Variants in ITPR3 observed in about 807,000 individuals in gnomAD.
ITPR3 encodes the protein inositol 1,4,5-trisphosphate receptor type 3.
A neutral mutation model predicts 293.2 loss-of-function variants in ITPR3; 173 were observed. The observed-to-expected ratio is 0.59, with a 90% confidence interval of 0.52 to 0.67. ITPR3 has a LOEUF of 0.67. ITPR3 is among the 30% of genes least tolerant of loss of function. ITPR3 has a pLI of 0.00. For missense variants in ITPR3, 2,796 were observed against 3,592.1 expected (o/e 0.78, Z 5.66); for synonymous variants, 1,295 against 1,444.4 (o/e 0.90, Z 2.35).
At position 33,677,101 on chromosome 6, in the gene ITPR3, A is replaced by C. The variant is rs1255158978; in HGVS notation, c.3522+12A>C. 3.1e-6 allele frequency: 5 copies of C among 1,612,882 alleles called. No individual in the cohort carries two copies. Among genetic ancestry groups the C allele is most frequent in the Non-Finnish European group, 4.2e-6 (5 of 1,179,026 alleles). ...AGATCGTCAAGGGCGTGAGTGGCCA[A>C]GGGTCCTCGGGGTAGGGATCTGCAG... On this transcript the variant is annotated intron_variant, in intron 27 of 57. Transcript: ENST00000605930.
Position 33,687,675 on chromosome 6 carries a change from C to A in ITPR3, c.6264+111C>A. On this transcript the variant is annotated intron_variant, in intron 46 of 57. Transcript: ENST00000605930. This position sits in a 1 kb window ranked among gnomAD's most constrained non-coding sequence, Gnocchi z 5.3. ...GTGAGGCCCTAGAATATGAGCCAGGCTAGAATTTGGGGGTACAGCTCAGGG... is the reference window on the plus strand; with the variant it reads ...GTGAGGCCCTAGAATATGAGCCAGGATAGAATTTGGGGGTACAGCTCAGGG... 2.2e-6 allele frequency: 2 copies of A among 892,424 alleles called. No homozygotes were observed. The highest frequency in any genetic ancestry group is 3.5e-6 in the Non-Finnish European group (2 of 572,454). The allele number at this position is 892,424 out of a possible 1,614,324, so 55.3% of individuals were successfully genotyped here.
intron 1 of ITPR3, among the ~76,000 whole-genome samples, chr6:33,628,887 A>C (rs71565397): frequency 0.033 from 5,066 of 152,290 alleles, 139 homozygotes; most frequent in Non-Finnish European, 0.054. Context: ...GCCAGCCATT[A>C]GCCCTTCCTG....
rs376639833 is a variant in ITPR3 at position 33,694,954 on chromosome 6, C to T, written c.7816C>T (p.Arg2606Trp). Residue 2606 changes from arginine to tryptophan, a missense_variant, in exon 57 of 58, where the codon CGG (arginine) becomes TGG (tryptophan). Physicochemically the swap from Arg to Trp is moderately radical, Grantham distance 101 (BLOSUM62 -3). Transcript: ENST00000605930. ...NKNLDWFPRM[R>W]AMSLVSNEGE... is the part of the protein sequence containing the mutation. Reference sequence around the variant, plus strand: ...GAACCTGGACTGGTTCCCCCGGATGCGGGCCATGTCCCTTGTCAGCAATGA... The same window carrying T: ...GAACCTGGACTGGTTCCCCCGGATGTGGGCCATGTCCCTTGTCAGCAATGA... 30 of 1,613,946 alleles carry T rather than the reference C, an allele frequency of 1.9e-5. No individual in the cohort carries two copies. Among genetic ancestry groups the T allele is most frequent in the Middle Eastern group, 1.6e-4 (1 of 6,084 alleles).
intron 51 of ITPR3, among the ~76,000 whole-genome samples, 179 bp from the exon 52 acceptor site, chr6:33,690,738 C>T (rs1033916014): frequency 6.6e-5 from 10 of 152,134 alleles, no homozygotes; most frequent in African/African-American, 2.2e-4. Context: ...CCAGGTTTCT[C>T]GAGAAGCTCC....
At chr6:33,628,229 T>C (rs1381459929) in intron 1 of ITPR3, among the ~76,000 whole-genome samples, 1 of 152,122 alleles carries the variant, frequency 6.6e-6, no homozygotes, top group Non-Finnish European at 1.5e-5. Context: ...CTCTCTAGAC[T>C]TCACCCCATG....
chr6:33,671,535 T>C (rs1195591896), intron 21 of ITPR3, among the ~76,000 whole-genome samples: 1 of 152,168 alleles, frequency 6.6e-6, no homozygotes. Flanking sequence ...CTTCCAACCC[T>C]GCTTGGTCTT....
chr6:33,622,964 G>A (rs570988464), intron 1 of ITPR3, among the ~76,000 whole-genome samples: 11 of 152,278 alleles, frequency 7.2e-5, no homozygotes, highest in Non-Finnish European at 1.3e-4. Flanking sequence ...CCCTTCACAC[G>A]TGGAATCCCT....
In ITPR3 at chr6:33,695,035, A is replaced by T. The variant is rs763951625; in HGVS notation, c.7897A>T (p.Met2633Leu). The change falls in exon 57 of 58, where the codon ATG (methionine) becomes TTG (leucine). Residue 2633 changes from methionine (M) to leucine (L), a missense_variant. By Grantham distance (15) the Met-to-Leu change is conservative (BLOSUM62 2). Around this residue, in one of 8 missense-constraint regions of ITPR3, gnomAD observed 568 missense variants for 796.1 expected, o/e 0.71. Transcript: ENST00000605930. ...RILQDKLNST[M>L]KLVSHLTAQL... is the part of the protein sequence containing the mutation. Reference sequence around the variant, plus strand: ...TCTCCAGGACAAGCTCAACTCCACCATGAAGCTGGTGTCCCACCTCACTGC... The same window carrying T: ...TCTCCAGGACAAGCTCAACTCCACCTTGAAGCTGGTGTCCCACCTCACTGC... The T allele has an allele frequency of 6.2e-7, 1 of 1,613,942 alleles. No individual in the cohort carries two copies. The highest frequency in any genetic ancestry group is 1.3e-5 in the African/African-American group (1 of 74,904).
At chr6:33,668,895 G>A (rs1764683567) in intron 17 of ITPR3, 79 bp from the exon 18 acceptor site, 3 of 1,453,372 alleles carry the variant, frequency 2.1e-6, no homozygotes, top group African/African-American at 2.8e-5. Flanking sequence ...GGCACTGTGT[G>A]GCCGGGTGTG....
chr6:33,644,375 G>A (rs1342256162), intron 2 of ITPR3, among the ~76,000 whole-genome samples: 4 of 151,452 alleles, frequency 2.6e-5, no homozygotes, highest in South Asian at 4.2e-4. Flanking sequence ...CGCCCGTCTC[G>A]GCCTTCCAAA....
At position 33,682,863 on chromosome 6, in the gene ITPR3, A is replaced by G. The variant is rs1040060207; in HGVS notation, c.4597+219A>G. Reference sequence around the variant, plus strand: ...TCCCCAGAGAAGGATGCTCGCCGACATTCTCCAGCTAGTTTTTTATGGGTA... The same window carrying G: ...TCCCCAGAGAAGGATGCTCGCCGACGTTCTCCAGCTAGTTTTTTATGGGTA... On this transcript the variant is annotated intron_variant, in intron 34 of 57. Coordinates refer to ENST00000605930, the MANE Select transcript of ITPR3 (RefSeq NM_002224.4). The surrounding 1 kb of genome is among the most constrained non-coding windows in gnomAD (Gnocchi z 5.4). Among the ~76,000 whole-genome samples, 4 of 152,100 alleles carry G rather than the reference A, an allele frequency of 2.6e-5. No individual in the cohort carries two copies. Among genetic ancestry groups the G allele is most frequent in the African/African-American group, 9.7e-5 (4 of 41,414 alleles).
In ITPR3 at chr6:33,664,827, T is replaced by C; in HGVS notation, c.1149-43T>C. ...GGCCGGCAGGCAGCATGACGTGCTC[T>C]GTGGTGCACTCCCCGAGTCCTTTCC... On this transcript the variant is annotated intron_variant, in intron 11 of 57. Coordinates refer to ENST00000605930, the MANE Select transcript of ITPR3 (RefSeq NM_002224.4). The surrounding 1 kb of genome is among the most constrained non-coding windows in gnomAD (Gnocchi z 4.4). 1 of 1,563,184 alleles carries C rather than the reference T, an allele frequency of 6.4e-7. No individual in the cohort carries two copies.
At chr6:33,646,329 C>T (rs893444387) in intron 2 of ITPR3, among the ~76,000 whole-genome samples, 4 of 151,528 alleles carry the variant, frequency 2.6e-5, no homozygotes, top group Non-Finnish European at 5.9e-5. Context: ...AAACACCATA[C>T]AAACACAGAC....
At chr6:33,668,219 A>G (rs1764665357) in intron 16 of ITPR3, among the ~76,000 whole-genome samples, 1 of 152,232 alleles carries the variant, frequency 6.6e-6, no homozygotes, top group South Asian at 2.1e-4. Flanking sequence ...CTCCAGTGAC[A>G]AAGTCAGAAC....
chr6:33,667,862 T>A lies in ITPR3; in HGVS notation c.1784T>A (p.Ile595Asn), dbSNP rs1448408580. The A allele has an allele frequency of 1.9e-6, 3 of 1,614,082 alleles. No homozygotes were observed. The South Asian group carries it at 3.3e-5, about 18-fold the overall frequency. ...IGYDILAEDT[I>N]TALLHNNRKL... ...TACGACATCCTGGCCGAGGACACCATCACTGCCCTGCTGCACAACAACCGC... is the reference window on the plus strand; with the variant it reads ...TACGACATCCTGGCCGAGGACACCAACACTGCCCTGCTGCACAACAACCGC... Residue 595 changes from isoleucine to asparagine, a missense_variant, in exon 16 of 58, where the codon ATC becomes AAC. Physicochemically the swap from Ile to Asn is moderately radical, Grantham distance 149. This residue lies in a region of ITPR3 where 955 missense variants were observed against 1,180.8 expected (regional missense o/e 0.81). Coordinates refer to ENST00000605930, the MANE Select transcript of ITPR3 (RefSeq NM_002224.4). The surrounding 1 kb of genome is among the most constrained non-coding windows in gnomAD (Gnocchi z 4.4).
At chr6:33,663,461 G>C in intron 9 of ITPR3, 39 bp from the exon 10 acceptor site, 3 of 1,577,192 alleles carry the variant, frequency 1.9e-6, no homozygotes, top group Non-Finnish European at 2.6e-6. Context: ...GTATAGTTTG[G>C]TGTCCAGTAG....
rs765326905 is a variant in ITPR3 at position 33,684,873 on chromosome 6, A to G, written c.5237A>G (p.Asn1746Ser). 6.8e-6 allele frequency: 11 copies of G among 1,614,076 alleles called. No homozygotes were observed. Among genetic ancestry groups the G allele is most frequent in the Non-Finnish European group, 9.3e-6 (11 of 1,180,010 alleles). The part of the protein sequence containing the change: ...LVCDLITSTK[N>S]EKIFQESIGL... ...TGCGACCTCATCACCAGCACCAAGA[A>G]CGAGAAGATCTTCCAGGAGAGCATC... The change falls in exon 39 of 58, where the codon AAC becomes AGC. Residue 1746 changes from asparagine to serine, a missense_variant. Coordinates refer to ENST00000605930, the MANE Select transcript of ITPR3 (RefSeq NM_002224.4). The surrounding 1 kb of genome is among the most constrained non-coding windows in gnomAD (Gnocchi z 4.2).
rs59525809 is a variant in ITPR3 at position 33,690,049 on chromosome 6, G to A, written c.6883G>A (p.Val2295Met). Reference protein sequence around the residue: ...LGALNLTNKIVFVVSFVGNRG... With the variant: ...LGALNLTNKIMFVVSFVGNRG... ...TCGCCCCCAGCTGACCAACAAGATCGTGTTTGTGGTGAGCTTCGTGGGCAA... is the reference window on the plus strand; with the variant it reads ...TCGCCCCCAGCTGACCAACAAGATCATGTTTGTGGTGAGCTTCGTGGGCAA... The change falls in exon 51 of 58, where the codon GTG (valine) becomes ATG (methionine). Residue 2295 changes from valine (V) to methionine (M), a missense_variant. Val to Met is a conservative substitution (Grantham distance 21). This residue lies in a region of ITPR3 where 568 missense variants were observed against 796.1 expected (regional missense o/e 0.71). Coordinates refer to ENST00000605930, the MANE Select transcript of ITPR3 (RefSeq NM_002224.4). 6.2e-4 allele frequency: 1,005 copies of A among 1,614,236 alleles called. 4 individuals are homozygous for A. In the African/African-American group the frequency reaches 0.01, roughly 16 times the overall value.
rs765663851 is a variant in ITPR3, at chr6:33,692,909, T to C, written c.7624+16T>C. 1 of 1,613,224 alleles carries C rather than the reference T, an allele frequency of 6.2e-7. No individual in the cohort carries two copies. The highest frequency in any genetic ancestry group is 2.2e-5 in the East Asian group (1 of 44,862). The stretch of plus-strand genomic sequence containing the variant: ...TTCATCTGTGGTGAGGGCTGCTTCC[T>C]GCTCTGTGGAGGCCGCAGCGGGGCT... On this transcript the variant is annotated intron_variant, in intron 55 of 57. Transcript: ENST00000605930. This position sits in a 1 kb window ranked among gnomAD's most constrained non-coding sequence, Gnocchi z 4.2.
Sources: gnomAD v4.1 joint callset for allele counts (sites outside exome capture counted in the v4.1 genomes callset) on GRCh38, gnomAD v4.1.1 for gene constraint, gnomAD v4.1.1 regional missense constraint, Gnocchi (gnomAD v3.1) non-coding constraint, MANE v1.5 for transcripts, NCBI Gene and HGNC (gene_info 2026-07-23, HGNC 2026-07-21) for gene names.